The following ZNF892 variants were observed in gnomAD, a reference collection of about 807,000 sequenced individuals.
The protein encoded by ZNF892 is zinc finger protein 892.
the ZNF892 span, among the ~76,000 whole-genome samples, chr2:95,244,001 A>G: frequency 6.6e-6 from 1 of 151,726 alleles, no homozygotes; most frequent in Non-Finnish European, 1.5e-5. Context: ...GTACTAAGAA[A>G]AATTCTTCTG....
the ZNF892 span, among the ~76,000 whole-genome samples, chr2:95,257,146 G>A: frequency 2.3e-4 from 35 of 152,242 alleles, no homozygotes; most frequent in East Asian, 3.9e-3. Flanking sequence ...GAGGAGAGGC[G>A]CTCTGATTTT....
the ZNF892 span, among the ~76,000 whole-genome samples, chr2:95,224,458 G>A: frequency 2.6e-5 from 4 of 152,168 alleles, no homozygotes; most frequent in Non-Finnish European, 5.9e-5. Flanking sequence ...CGTGGCTGGG[G>A]AGGCCTCAGG....
the ZNF892 span, among the ~76,000 whole-genome samples, chr2:95,246,259 A>C: frequency 6.6e-6 from 1 of 152,324 alleles, no homozygotes; most frequent in East Asian, 1.9e-4. Context: ...AACTAAAGAC[A>C]AAAACCACGT....
chr2:95,230,612 G>C, the ZNF892 span, among the ~76,000 whole-genome samples: 1 of 152,274 alleles, frequency 6.6e-6, no homozygotes, highest in South Asian at 2.1e-4. Context: ...GGTGAGACGG[G>C]AAGTGGCAGA....
the ZNF892 span, among the ~76,000 whole-genome samples, chr2:95,210,715 A>C: frequency 1.3e-5 from 2 of 152,196 alleles, no homozygotes; most frequent in Non-Finnish European, 2.9e-5. Flanking sequence ...CTCTGTGCCA[A>C]GTACTAGGCT....
At chr2:95,229,619 G>C in the ZNF892 span, among the ~76,000 whole-genome samples, 1 of 152,142 alleles carries the variant, frequency 6.6e-6, no homozygotes, top group Non-Finnish European at 1.5e-5. Flanking sequence ...CAACCATTCT[G>C]TATGTATCAG....
At chr2:95,255,984 AG>A in the ZNF892 span, among the ~76,000 whole-genome samples, 3 of 151,924 alleles carry the variant, frequency 2.0e-5, no homozygotes, top group Non-Finnish European at 4.4e-5. Context: ...TCTGCACTTG[AG>A]ATTGGTTTCC....
chr2:95,235,553 G>A, the ZNF892 span, among the ~76,000 whole-genome samples: 1 of 152,076 alleles, frequency 6.6e-6, no homozygotes, highest in Admixed American at 6.5e-5. Context: ...ACTAGAGACA[G>A]GGTTTTACCA....
At chr2:95,227,996 T>G in the ZNF892 span, among the ~76,000 whole-genome samples, 1 of 152,184 alleles carries the variant, frequency 6.6e-6, no homozygotes, top group Non-Finnish European at 1.5e-5. Context: ...TAGTTTAAAT[T>G]TATCCACAGT....
chr2:95,219,257 C>T, the ZNF892 span, among the ~76,000 whole-genome samples: 42 of 151,950 alleles, frequency 2.8e-4, no homozygotes, highest in Middle Eastern at 6.8e-3. Flanking sequence ...CCGCCCGCTT[C>T]GGCCTCCCAA....
chr2:95,213,292 T>C, the ZNF892 span, among the ~76,000 whole-genome samples: 2 of 152,246 alleles, frequency 1.3e-5, no homozygotes, highest in African/African-American at 4.8e-5. Flanking sequence ...CATTTGCTTT[T>C]AACCTATTCT....
chr2:95,231,715 A>C, the ZNF892 span, among the ~76,000 whole-genome samples: 2 of 152,154 alleles, frequency 1.3e-5, no homozygotes, highest in Non-Finnish European at 2.9e-5. Flanking sequence ...CTGTACTATT[A>C]CTGAGCTTCA....
At chr2:95,245,245 ATTTT>A in the ZNF892 span, among the ~76,000 whole-genome samples, 2 of 77,722 alleles carry the variant, frequency 2.6e-5, no homozygotes, top group Admixed American at 1.5e-4. Context: ...CCTGGAGCTG[ATTTT>A]TTTTTTTTTT....
chr2:95,234,553 C>T, the ZNF892 span, among the ~76,000 whole-genome samples: 1 of 152,206 alleles, frequency 6.6e-6, no homozygotes, highest in South Asian at 2.1e-4. Context: ...CACATTTCTA[C>T]ATGGTTGTTC....
the ZNF892 span, among the ~76,000 whole-genome samples, chr2:95,234,645 A>G: frequency 6.6e-6 from 1 of 152,234 alleles, no homozygotes; most frequent in Admixed American, 6.5e-5. Flanking sequence ...AGCTGAACAC[A>G]TGGGGGCTCA....
At chr2:95,210,216 T>C in the ZNF892 span, among the ~76,000 whole-genome samples, 2 of 147,242 alleles carry the variant, frequency 1.4e-5, no homozygotes, top group African/African-American at 4.9e-5. Context: ...TATGTGTATA[T>C]ATGTATATAT....
chr2:95,246,404 T>A, the ZNF892 span, among the ~76,000 whole-genome samples: 1 of 152,130 alleles, frequency 6.6e-6, no homozygotes, highest in Non-Finnish European at 1.5e-5. Flanking sequence ...CACAGCCATA[T>A]CATACTGAAT....
chr2:95,210,115 A>G, the ZNF892 span, among the ~76,000 whole-genome samples: 1 of 150,190 alleles, frequency 6.7e-6, no homozygotes, highest in East Asian at 1.9e-4. Context: ...ATGTGTGTAT[A>G]TATGTGTGTA....
chr2:95,229,400 G>T, the ZNF892 span, among the ~76,000 whole-genome samples: 2 of 152,070 alleles, frequency 1.3e-5, no homozygotes, highest in Non-Finnish European at 2.9e-5. Flanking sequence ...CTGCTGGAAG[G>T]CTCCTCCATG....
Sources: gnomAD v4.1 joint callset for allele counts (sites outside exome capture counted in the v4.1 genomes callset) on GRCh38, gnomAD v4.1.1 for gene constraint, MANE v1.5 for transcripts, NCBI Gene and HGNC (gene_info 2026-07-23, HGNC 2026-07-21) for gene names.